ZNF536: variants seen among roughly 807,000 people sequenced by gnomAD.
ZNF536 encodes zinc finger protein 536.
In ZNF536, 13 loss-of-function variants were observed where a neutral mutation model predicts 84.5. The observed-to-expected ratio is 0.15, with a 90% confidence interval of 0.10 to 0.24. The LOEUF (loss-of-function observed/expected upper bound fraction) is 0.24, where lower values mean the gene tolerates loss of function less well. ZNF536 is among the 10% of genes least tolerant of loss of function. The pLI is 1.00. For missense variants in ZNF536, 1,536 were observed against 1,747.5 expected (o/e 0.88, Z 2.16); for synonymous variants, 811 against 742.5 (o/e 1.09, Z -1.50).
At chr19:30,413,281 C>G (rs1268146809) in intron 1 of ZNF536, among the ~76,000 whole-genome samples, 5 of 152,048 alleles carry the variant, frequency 3.3e-5, no homozygotes, top group Non-Finnish European at 7.4e-5. Context: ...TTATTACCCC[C>G]CTCCCTAGTT....
At chr19:30,639,288 A>T (rs1223363070) in intron 1 of ZNF536, among the ~76,000 whole-genome samples, 3 of 152,242 alleles carry the variant, frequency 2.0e-5, no homozygotes, top group Non-Finnish European at 4.4e-5. Context: ...ATACATAGTT[A>T]ACTATTTTTA....
intron 1 of ZNF536, among the ~76,000 whole-genome samples, chr19:30,254,045 G>T (rs553381203): frequency 6.6e-6 from 1 of 152,090 alleles, no homozygotes; most frequent in Non-Finnish European, 1.5e-5. Context: ...GGTGTGGGCC[G>T]TGTCACTATT....
upstream of ZNF536, among the ~76,000 whole-genome samples, chr19:30,369,869 T>C (rs2048555065): frequency 6.6e-6 from 1 of 152,230 alleles, no homozygotes; most frequent in South Asian, 2.1e-4. Context: ...AAGTTTATTA[T>C]TATTGGTACA....
intron 2 of ZNF536, among the ~76,000 whole-genome samples, chr19:30,495,927 G>C (rs758305502): frequency 4.6e-5 from 7 of 152,134 alleles, no homozygotes; most frequent in Non-Finnish European, 7.4e-5. Context: ...TCTTTGTCAG[G>C]GTAGTCAAAA....
At chr19:30,332,458 C>T (rs528236640) in intron 2 of ZNF536, among the ~76,000 whole-genome samples, 4 of 152,032 alleles carry the variant, frequency 2.6e-5, no homozygotes, top group South Asian at 2.1e-4. Flanking sequence ...TCTGCCCATG[C>T]GTGTCCTCCT....
chr19:30,249,397 A>G (rs1224723181), intron 1 of ZNF536, among the ~76,000 whole-genome samples: 3 of 151,792 alleles, frequency 2.0e-5, no homozygotes, highest in Non-Finnish European at 4.4e-5. Flanking sequence ...GGAGGAGGAT[A>G]TTTTAACACG....
chr19:30,232,932 T>C (rs1047205762), intron 1 of ZNF536, among the ~76,000 whole-genome samples: 13 of 152,340 alleles, frequency 8.5e-5, no homozygotes, highest in Non-Finnish European at 1.8e-4. Flanking sequence ...GAATCAAGCT[T>C]ATTTCCCACA....
chr19:30,505,871 G>A (rs1170881151), intron 2 of ZNF536, among the ~76,000 whole-genome samples: 2 of 151,908 alleles, frequency 1.3e-5, no homozygotes, highest in African/African-American at 2.4e-5. Flanking sequence ...TTGCCACGTT[G>A]GTCAGGCTGG....
chr19:30,565,389 G>A lies in ZNF536; in HGVS notation c.169+15875G>A, dbSNP rs372782837. ...TGGCCTGCTACCGGACTTGTTCCGAGCCTTGCCCCGGTGGGGGCCCACCCT... is the reference window on the plus strand; with the variant it reads ...TGGCCTGCTACCGGACTTGTTCCGAACCTTGCCCCGGTGGGGGCCCACCCT... On this transcript the variant is annotated intron_variant, in intron 1 of 1. Transcript: ENST00000592773. 5.9e-5 allele frequency among the ~76,000 whole-genome samples: 9 copies of A among 152,258 alleles called. No homozygotes were observed. In the South Asian group the frequency reaches 1.7e-3, roughly 28 times the overall value.
chr19:30,545,422 G>T (rs1194980936), intron 3 of ZNF536, among the ~76,000 whole-genome samples: 3 of 102,006 alleles, frequency 2.9e-5, no homozygotes, highest in Non-Finnish European at 5.9e-5. Flanking sequence ...TTTTGAGATG[G>T]AGTCTTGCTC....
intron 1 of ZNF536, among the ~76,000 whole-genome samples, chr19:30,237,183 T>C (rs1391280607): frequency 6.6e-6 from 1 of 152,158 alleles, no homozygotes; most frequent in Admixed American, 6.5e-5. Context: ...ATGATAATAT[T>C]GCTCAGATGA....
At chr19:30,509,884 C>A (rs368122499) in intron 2 of ZNF536, among the ~76,000 whole-genome samples, 7 of 152,204 alleles carry the variant, frequency 4.6e-5, no homozygotes, top group African/African-American at 1.7e-4. Flanking sequence ...TTTCTTTCTT[C>A]GTTTTATAGC....
intron 3 of ZNF536, among the ~76,000 whole-genome samples, chr19:30,360,818 G>C (rs556428636): frequency 1.3e-5 from 2 of 152,288 alleles, no homozygotes; most frequent in Admixed American, 6.5e-5. Flanking sequence ...TTTTATTCTC[G>C]AGTCTAACCC....
At chr19:30,702,643 C>A (rs749592650) in intron 1 of ZNF536, among the ~76,000 whole-genome samples, 23 of 152,156 alleles carry the variant, frequency 1.5e-4, no homozygotes, top group Non-Finnish European at 3.1e-4. Context: ...CCCCTGTTCA[C>A]CCTCCCCACT....
intron 1 of ZNF536, among the ~76,000 whole-genome samples, chr19:30,578,987 C>A (rs1392534316): frequency 6.6e-6 from 1 of 152,182 alleles, no homozygotes; most frequent in African/African-American, 2.4e-5. Context: ...CTTTTCTGGG[C>A]TCCAGATTCC....
chr19:30,708,961 AC>A (rs1485551360), intron 1 of ZNF536, among the ~76,000 whole-genome samples: 1 of 152,158 alleles, frequency 6.6e-6, no homozygotes, highest in African/African-American at 2.4e-5. Context: ...AGCAAATGAA[AC>A]CCAGCTCTGG....
chr19:30,325,431 C>T (rs1045688203), intron 2 of ZNF536, among the ~76,000 whole-genome samples: 2 of 152,172 alleles, frequency 1.3e-5, no homozygotes, highest in Admixed American at 6.5e-5. Context: ...GTGGGCTTCT[C>T]TGAGCCCAGT....
intron 2 of ZNF536, among the ~76,000 whole-genome samples, chr19:30,297,267 T>A (rs2046027563): frequency 6.6e-6 from 1 of 152,134 alleles, no homozygotes; most frequent in Non-Finnish European, 1.5e-5. Context: ...TCCTTTTACA[T>A]CTAAAAAAGG....
intron 1 of ZNF536, among the ~76,000 whole-genome samples, chr19:30,666,024 G>A (rs566719743): frequency 2.0e-4 from 30 of 152,326 alleles, no homozygotes; most frequent in African/African-American, 7.0e-4. Flanking sequence ...AGCCCCAAAG[G>A]GCTCTGAGGA....
Sources: gnomAD v4.1 joint callset for allele counts (sites outside exome capture counted in the v4.1 genomes callset) on GRCh38, gnomAD v4.1.1 for gene constraint, MANE v1.5 for transcripts, NCBI Gene and HGNC (gene_info 2026-07-23, HGNC 2026-07-21) for gene names.